The following AVL9 variants were observed in gnomAD, a reference collection of about 807,000 sequenced individuals.
The protein encoded by AVL9 is late secretory pathway protein AVL9 homolog.
Under a neutral mutation model 79.2 loss-of-function variants are expected in AVL9, and 49 were observed. That is an observed-to-expected ratio of 0.62 (90% CI 0.49 to 0.79). AVL9 has a LOEUF of 0.79. Ranked by LOEUF, AVL9 falls within the 30% of genes least tolerant of loss-of-function variation. AVL9 has a pLI of 0.00. For missense variants in AVL9, 682 were observed against 776.8 expected (o/e 0.88, Z 1.45); for synonymous variants, 299 against 280.6 (o/e 1.07, Z -0.65).
At chr7:32,579,443 A>G (rs1321867555) in intron 13 of AVL9, among the ~76,000 whole-genome samples, 4 of 9,190 alleles carry the variant, frequency 4.4e-4, no homozygotes, top group African/African-American at 2.1e-3. Context: ...TATATTATAT[A>G]TAATATATTA....
chr7:32,584,064 A>G lies in AVL9; in HGVS notation c.*157A>G, dbSNP rs6462385. The G allele has an allele frequency of 4.1e-3, 2,840 of 699,138 alleles. 59 individuals are homozygous for G. Among genetic ancestry groups the G allele is most frequent in the African/African-American group, 0.04 (2,283 of 56,854 alleles). 43.3% of individuals were successfully genotyped at this position (699,138 alleles called of 1,614,324 possible). On this transcript the variant is annotated 3_prime_UTR_variant, in exon 16 of 16. Coordinates refer to ENST00000318709, the MANE Select transcript of AVL9 (RefSeq NM_015060.3). ...CTAAGTGAATGTTTCGGGATGCCGA[A>G]ATGATGAAATCACAGCCATAGCAGG...
chr7:32,519,818 T>C (rs1261875871), intron 1 of AVL9, among the ~76,000 whole-genome samples: 1 of 152,208 alleles, frequency 6.6e-6, no homozygotes, highest in East Asian at 1.9e-4. Flanking sequence ...TTTAATTGAC[T>C]CACAGTTCTG....
At chr7:32,527,640 A>C (rs1788462282) in intron 1 of AVL9, among the ~76,000 whole-genome samples, 3 of 152,254 alleles carry the variant, frequency 2.0e-5, no homozygotes, top group South Asian at 2.1e-4. Context: ...GCTGACTCTA[A>C]CACCCTTGAC....
At chr7:32,504,870 A>G (rs1476943323) in intron 1 of AVL9, among the ~76,000 whole-genome samples, 1 of 149,904 alleles carries the variant, frequency 6.7e-6, no homozygotes, top group Non-Finnish European at 1.5e-5. Flanking sequence ...AAGATTTTTT[A>G]TTTTATTTTA....
intron 1 of AVL9, among the ~76,000 whole-genome samples, chr7:32,525,873 T>TG (rs969609235): frequency 1.8e-4 from 28 of 152,212 alleles, no homozygotes; most frequent in African/African-American, 6.7e-4. Context: ...AAACTGTTTT[T>TG]GGGGGGGAAA....
intron 15 of AVL9, among the ~76,000 whole-genome samples, chr7:32,582,102 T>G (rs1791536399): frequency 6.6e-6 from 1 of 152,230 alleles, no homozygotes. Flanking sequence ...TTCATTCCTT[T>G]TCTATATTTT....
At chr7:32,497,897 C>T (rs939602723) in intron 1 of AVL9, among the ~76,000 whole-genome samples, 36 of 152,108 alleles carry the variant, frequency 2.4e-4, no homozygotes, top group African/African-American at 8.5e-4. Flanking sequence ...GTGATCCGCC[C>T]GCCTCGGCCT....
Position 32,559,180 on chromosome 7 carries a change from G to C in AVL9, c.931G>C (p.Asp311His), listed in dbSNP as rs1352938065. The C allele has an allele frequency of 1.2e-6, 2 of 1,614,012 alleles. No individual in the cohort carries two copies. The highest frequency in any genetic ancestry group is 1.3e-5 in the African/African-American group (1 of 74,892). The change falls in exon 10 of 16, where the codon GAT becomes CAT. Residue 311 changes from aspartate to histidine, a missense_variant. Coordinates refer to ENST00000318709, the MANE Select transcript of AVL9 (RefSeq NM_015060.3). ...CAGCAGCAAAGGGCAGGAACCCAAT[G>C]ATACCAATCAATATTTGAAACCTCC... Reference protein sequence around the residue: ...EDSSKGQEPNDTNQYLKPPSR... With the variant: ...EDSSKGQEPNHTNQYLKPPSR...
At chr7:32,554,492 G>T in intron 7 of AVL9, 66 bp from the exon 8 acceptor site, 3 of 997,712 alleles carry the variant, frequency 3.0e-6, no homozygotes, top group South Asian at 1.6e-5. Flanking sequence ...TGTTTTAGGA[G>T]GGGAAAAGAT....
rs139163531 is a variant in AVL9, at chr7:32,556,139, A to C, written c.609+1543A>C. Among the ~76,000 whole-genome samples the C allele has an allele frequency of 1.9e-3, 292 of 152,336 alleles. 6 individuals carry two copies. The highest frequency in any genetic ancestry group is 2.9e-4 in the Non-Finnish European group (20 of 68,042). On this transcript the variant is annotated intron_variant, in intron 8 of 15. Coordinates refer to ENST00000318709, the MANE Select transcript of AVL9 (RefSeq NM_015060.3). The stretch of plus-strand genomic sequence containing the variant: ...AATTGAAAAGGGACTGGAAGTAAAG[A>C]TATCAACCTAGTTTGGTGAGAACAT...
chr7:32,574,931 T>A (rs1222203522), intron 12 of AVL9, among the ~76,000 whole-genome samples: 3 of 152,190 alleles, frequency 2.0e-5, no homozygotes, highest in African/African-American at 7.2e-5. Context: ...ACCTTCAAAG[T>A]AAACAACATG....
At chr7:32,583,290 G>A (rs145625201) in intron 15 of AVL9, among the ~76,000 whole-genome samples, 171 of 152,294 alleles carry the variant, frequency 1.1e-3, no homozygotes, top group African/African-American at 3.8e-3. Flanking sequence ...AGGTGCCTAC[G>A]CTAAAAAATC....
rs866712563 is a variant in AVL9, at chr7:32,510,463, A to G, written c.93+14661A>G. Among the ~76,000 whole-genome samples the G allele has an allele frequency of 1.2e-3, 171 of 139,794 alleles. No homozygotes were observed. In the Middle Eastern group the frequency reaches 0.017, roughly 14 times the overall value. 91.7% of individuals were successfully genotyped at this position (139,794 alleles called of 152,430 possible). A position where few individuals can be genotyped will look rare whatever the true frequency, so the allele number is the denominator to read the frequency against. On this transcript the variant is annotated intron_variant, in intron 1 of 15. Transcript: ENST00000318709. Reference sequence around the variant, plus strand: ...GAACTGCCCCAGTATGAGGGAAGCCATCTCTCCAGGGTGAGATTCATGAGC... The same window carrying G: ...GAACTGCCCCAGTATGAGGGAAGCCGTCTCTCCAGGGTGAGATTCATGAGC...
chr7:32,500,621 C>T (rs935512144), intron 1 of AVL9, among the ~76,000 whole-genome samples: 1 of 152,028 alleles, frequency 6.6e-6, no homozygotes, highest in Non-Finnish European at 1.5e-5. Context: ...AATTAGATCC[C>T]ATTTGTCAAT....
chr7:32,506,219 A>T (rs1479655261), intron 1 of AVL9, among the ~76,000 whole-genome samples: 3 of 152,114 alleles, frequency 2.0e-5, no homozygotes, highest in African/African-American at 4.8e-5. Context: ...TTTTAAACAA[A>T]TTTTTTTAAA....
chr7:32,550,580 T>C (rs1178324567), intron 4 of AVL9, among the ~76,000 whole-genome samples: 2 of 152,172 alleles, frequency 1.3e-5, no homozygotes, highest in Non-Finnish European at 2.9e-5. Flanking sequence ...TTTTAATTAA[T>C]TAGAGTATAT....
At position 32,580,245 on chromosome 7, in the gene AVL9, T is replaced by C; in HGVS notation, c.1715T>C (p.Val572Ala). 6.2e-7 allele frequency: 1 copy of C among 1,612,888 alleles called. No homozygotes were observed. Residue 572 changes from valine to alanine, a missense_variant, in exon 14 of 16, where the codon GTA becomes GCA. Transcript: ENST00000318709. Reference sequence around the variant, plus strand: ...CATCCATTTCAAGGCCAATACTCAGTATCAGACATGAAGTTAAGGTTCTCA... The same window carrying C: ...CATCCATTTCAAGGCCAATACTCAGCATCAGACATGAAGTTAAGGTTCTCA... ...PNHPFQGQYS[V>A]SDMKLRFSHS...
intron 1 of AVL9, among the ~76,000 whole-genome samples, chr7:32,508,365 C>T (rs1260157071): frequency 1.3e-5 from 2 of 152,160 alleles, no homozygotes; most frequent in African/African-American, 4.8e-5. Flanking sequence ...GAGCTGCATA[C>T]ATAATTTAAA....
At chr7:32,562,054 G>A (rs367923797) in intron 10 of AVL9, among the ~76,000 whole-genome samples, 78 of 152,212 alleles carry the variant, frequency 5.1e-4, no homozygotes, top group African/African-American at 1.8e-3. Flanking sequence ...CAAAGATCAC[G>A]GATCACAGAT....
Sources: gnomAD v4.1 joint callset for allele counts (sites outside exome capture counted in the v4.1 genomes callset) on GRCh38, gnomAD v4.1.1 for gene constraint, MANE v1.5 for transcripts, NCBI Gene and HGNC (gene_info 2026-07-23, HGNC 2026-07-21) for gene names.